ERBB4: variants seen among roughly 807,000 people sequenced by gnomAD.
The protein encoded by ERBB4 is erb-b2 receptor tyrosine kinase 4.
Under a neutral mutation model 158.0 loss-of-function variants are expected in ERBB4, and 42 were observed. The ratio of observed to expected loss-of-function variants is 0.27; its 90% confidence interval spans 0.21 to 0.34. The LOEUF (loss-of-function observed/expected upper bound fraction) is 0.34. Ranked by LOEUF, ERBB4 falls within the 10% of genes least tolerant of loss-of-function variation. The probability of loss-of-function intolerance (pLI) is 1.00; values close to 1 mark genes in which losing one functional copy is unlikely to be tolerated. For synonymous variants in ERBB4, 583 were observed against 558.7 expected, an observed-to-expected ratio of 1.04 and a Z score of -0.61; for missense variants, 1,333 against 1,624.1, an observed-to-expected ratio of 0.82 and a Z score of 3.08.
Position 211,710,631 on chromosome 2 carries a change from C to T in ERBB4, c.1124+1419G>A, listed in dbSNP as rs756960585. ...CAAAATATCATATTGAATTGTAGCT[C>T]CTACAATTCCCACGTGTTGTGGGAG... On this transcript the variant is annotated intron_variant, in intron 9 of 27. Transcript: ENST00000342788. Among the ~76,000 whole-genome samples the T allele has an allele frequency of 3.3e-5, 5 of 152,056 alleles. No homozygotes were observed. In the South Asian group the frequency reaches 1.0e-3, roughly 32 times the overall value.
At chr2:211,512,560 A>AC (rs1200204002) in intron 20 of ERBB4, among the ~76,000 whole-genome samples, 1 of 152,124 alleles carries the variant, frequency 6.6e-6, no homozygotes, top group Admixed American at 6.6e-5. Flanking sequence ...ATTAAAAAAA[A>AC]AACTTTTTGG....
chr2:211,499,843 GAA>G (rs1381752867), intron 20 of ERBB4, among the ~76,000 whole-genome samples: 1 of 152,100 alleles, frequency 6.6e-6, no homozygotes, highest in Non-Finnish European at 1.5e-5. Flanking sequence ...TTGGTTTTGA[GAA>G]AAGTTTTTTT....
intron 1 of ERBB4, among the ~76,000 whole-genome samples, chr2:212,440,897 G>T (rs556526218): frequency 6.6e-6 from 1 of 152,278 alleles, no homozygotes; most frequent in East Asian, 1.9e-4. Flanking sequence ...AGAAAATGAT[G>T]AACTCAGGGA....
chr2:212,473,657 A>G lies in ERBB4; in HGVS notation c.82+64792T>C, dbSNP rs539755266. Among the ~76,000 whole-genome samples the G allele has an allele frequency of 3.3e-5, 5 of 152,240 alleles. No individual in the cohort carries two copies. In the South Asian group the frequency reaches 1.0e-3, roughly 32 times the overall value. On this transcript the variant is annotated intron_variant, in intron 1 of 27. Coordinates refer to ENST00000342788, the MANE Select transcript of ERBB4 (RefSeq NM_005235.3). ...GTAATGAGATCAGTATTTACTGGTT[A>G]CCTTAAATAATTATCCATTTTTTAT...
intron 3 of ERBB4, among the ~76,000 whole-genome samples, chr2:211,851,496 C>T (rs180813155): frequency 9.0e-4 from 137 of 152,004 alleles, no homozygotes; most frequent in African/African-American, 3.2e-3. Context: ...TTTCCCTCTT[C>T]GCTAAACTAA....
chr2:211,576,799 T>C (rs573221325), intron 19 of ERBB4, among the ~76,000 whole-genome samples: 1 of 152,270 alleles, frequency 6.6e-6, no homozygotes, highest in Non-Finnish European at 1.5e-5. Flanking sequence ...AGAAATTACC[T>C]TCTAACTTAA....
At chr2:212,252,723 G>A (rs892522411) in intron 1 of ERBB4, among the ~76,000 whole-genome samples, 3 of 152,036 alleles carry the variant, frequency 2.0e-5, no homozygotes, top group African/African-American at 7.2e-5. Flanking sequence ...AAAGAATAAT[G>A]AGACTTTTAG....
intron 1 of ERBB4, among the ~76,000 whole-genome samples, chr2:212,180,318 G>C (rs1412406060): frequency 6.6e-6 from 1 of 151,556 alleles, no homozygotes; most frequent in East Asian, 1.9e-4. Context: ...TTCTTGGACA[G>C]ATAGCTGGTA....
intron 2 of ERBB4, among the ~76,000 whole-genome samples, chr2:212,095,946 G>GAAAAAAAAAAA (rs35084866): frequency 7.7e-6 from 1 of 130,174 alleles, no homozygotes; most frequent in Non-Finnish European, 1.6e-5. Flanking sequence ...AAAAAAAAAA[G>GAAAAAAAAAAA]AAAAAAAAAA....
intron 3 of ERBB4, among the ~76,000 whole-genome samples, chr2:211,824,719 CTT>C (rs1162673425): frequency 1.3e-5 from 2 of 151,724 alleles, no homozygotes; most frequent in African/African-American, 4.8e-5. Flanking sequence ...TTAGATAAGA[CTT>C]AATAATTAAA....
In ERBB4 at chr2:211,563,871, T is replaced by C. The variant is rs1414870426; in HGVS notation, c.2302-1783A>G. Among the ~76,000 whole-genome samples the C allele has an allele frequency of 2.0e-5, 3 of 152,192 alleles. No individual in the cohort carries two copies. The East Asian group carries it at 5.8e-4, about 29-fold the overall frequency. Reference sequence around the variant, plus strand: ...ATACACATAGAGGGTGTAATATGTATATGGCAATGGATTATCAGTTGGTTT... The same window carrying C: ...ATACACATAGAGGGTGTAATATGTACATGGCAATGGATTATCAGTTGGTTT... On this transcript the variant is annotated intron_variant, in intron 19 of 27. Coordinates refer to ENST00000342788, the MANE Select transcript of ERBB4 (RefSeq NM_005235.3).
chr2:212,365,511 C>A (rs546014951), intron 1 of ERBB4, among the ~76,000 whole-genome samples: 9 of 151,824 alleles, frequency 5.9e-5, no homozygotes, highest in Admixed American at 5.3e-4. Context: ...TCAGCATTAC[C>A]AGTCAAACTA....
At chr2:211,734,647 G>C (rs551606500) in intron 5 of ERBB4, among the ~76,000 whole-genome samples, 1 of 147,004 alleles carries the variant, frequency 6.8e-6, no homozygotes, top group South Asian at 2.2e-4. Flanking sequence ...AAAGCTGGGC[G>C]CGGTGGCTCA....
At chr2:212,388,662 T>C (rs748228711) in intron 1 of ERBB4, among the ~76,000 whole-genome samples, 14 of 152,044 alleles carry the variant, frequency 9.2e-5, no homozygotes, top group Non-Finnish European at 1.9e-4. Flanking sequence ...AAATGCCATA[T>C]TTCATGGGAT....
intron 1 of ERBB4, among the ~76,000 whole-genome samples, chr2:212,339,041 G>A (rs1295609577): frequency 6.6e-6 from 1 of 152,084 alleles, no homozygotes; most frequent in Admixed American, 6.6e-5. Context: ...GGGTACATGT[G>A]CAGGATGTGC....
intron 3 of ERBB4, among the ~76,000 whole-genome samples, chr2:211,828,106 G>A (rs959700504): frequency 1.4e-4 from 22 of 152,032 alleles, no homozygotes; most frequent in African/African-American, 5.1e-4. Context: ...AAAATCTTAG[G>A]GAATGTGAAC....
At chr2:211,616,265 G>C (rs1036452694) in intron 19 of ERBB4, among the ~76,000 whole-genome samples, 2 of 152,062 alleles carry the variant, frequency 1.3e-5, no homozygotes, top group Non-Finnish European at 2.9e-5. Context: ...AGTCTCTCCA[G>C]TGAAAAGAAG....
chr2:212,090,153 C>G (rs1037270913), intron 2 of ERBB4, among the ~76,000 whole-genome samples: 3 of 152,176 alleles, frequency 2.0e-5, no homozygotes, highest in African/African-American at 7.2e-5. Flanking sequence ...AGTCTAGAAG[C>G]TGTGGCACTT....
chr2:211,641,327 C>G (rs974648924), intron 16 of ERBB4, among the ~76,000 whole-genome samples: 1 of 152,096 alleles, frequency 6.6e-6, no homozygotes, highest in African/African-American at 2.4e-5. Context: ...TCACTTATCT[C>G]ATCAAGATAA....
Sources: allele counts gnomAD v4.1 joint callset (sites outside exome capture counted in the v4.1 genomes callset), GRCh38; gene constraint gnomAD v4.1.1; transcripts MANE v1.5; gene names NCBI Gene and HGNC (gene_info 2026-07-23, HGNC 2026-07-21).